Variants in PDZD2 observed in about 807,000 individuals in gnomAD.
The protein encoded by PDZD2 is PDZ domain containing 2, also known as PDZ domain-containing protein 2.
In PDZD2, 90 loss-of-function variants were observed where a neutral mutation model predicts 220.7. The observed-to-expected ratio is 0.41, with a 90% CI of 0.34 to 0.49. PDZD2 has a LOEUF of 0.49. PDZD2 is among the 20% of genes least tolerant of loss of function. The probability of loss-of-function intolerance (pLI) is 0.28; values close to 1 mark genes in which losing one functional copy is unlikely to be tolerated. For synonymous variants in PDZD2, 1,375 were observed against 1,450.5 expected, an observed-to-expected ratio of 0.95 and a Z score of 1.18; for missense variants, 3,174 against 3,608.5, an observed-to-expected ratio of 0.88 and a Z score of 3.08.
At chr5:31,891,925 C>T (rs1362922758) in intron 2 of PDZD2, among the ~76,000 whole-genome samples, 28 of 143,028 alleles carry the variant, frequency 2.0e-4, no homozygotes, top group Admixed American at 3.5e-4. Context: ...TTTTTTTTTG[C>T]GGGGGGACAG....
chr5:31,819,716 T>C (rs1755710143), intron 2 of PDZD2, among the ~76,000 whole-genome samples: 1 of 151,836 alleles, frequency 6.6e-6, no homozygotes, highest in Non-Finnish European at 1.5e-5. Context: ...TGTGTATATG[T>C]ATGAGTATAT....
chr5:31,831,439 C>G (rs2150269505), intron 2 of PDZD2, among the ~76,000 whole-genome samples: 1 of 151,934 alleles, frequency 6.6e-6, no homozygotes, highest in South Asian at 2.1e-4. Flanking sequence ...CATGGTGAAA[C>G]CCCGTCTCCA....
chr5:32,030,547 G>T (rs1358413927), intron 6 of PDZD2, among the ~76,000 whole-genome samples: 1 of 152,150 alleles, frequency 6.6e-6, no homozygotes, highest in Non-Finnish European at 1.5e-5. Flanking sequence ...CTTCTTTATA[G>T]GTTTGCATGC....
chr5:31,738,255 G>A (rs1750024968), intron 1 of PDZD2: 1 of 152,216 alleles, frequency 6.6e-6, no homozygotes, highest in Non-Finnish European at 1.5e-5. Flanking sequence ...TGCAGTGAGT[G>A]GAAATCTTGA....
chr5:31,745,112 A>G (rs947762962), intron 1 of PDZD2, among the ~76,000 whole-genome samples: 11 of 152,082 alleles, frequency 7.2e-5, no homozygotes, highest in East Asian at 1.9e-4. Context: ...TAAAAAATAA[A>G]CACCAAGTGT....
rs188478811 is a variant in PDZD2, at chr5:31,722,783, G to A, written c.-360-76106G>A. Among the ~76,000 whole-genome samples, 57 of 151,528 alleles carry A rather than the reference G, an allele frequency of 3.8e-4. No individual in the cohort carries two copies. The East Asian group carries it at 0.011, about 28-fold the overall frequency. ...CAGCTCACTGCAACCTCTGCCTCCCGGGCTCAAGCGATTCTCCTGCTCAGC... is the reference window on the plus strand; with the variant it reads ...CAGCTCACTGCAACCTCTGCCTCCCAGGCTCAAGCGATTCTCCTGCTCAGC... On this transcript the variant is annotated intron_variant, in intron 1 of 24. Coordinates refer to ENST00000438447, the MANE Select transcript of PDZD2 (RefSeq NM_178140.4).
chr5:31,801,983 T>C (rs1436913353), intron 2 of PDZD2, among the ~76,000 whole-genome samples: 4 of 151,686 alleles, frequency 2.6e-5, no homozygotes, highest in Non-Finnish European at 5.9e-5. Context: ...GTTGGGGGAG[T>C]GACAGGATGA....
intron 2 of PDZD2, among the ~76,000 whole-genome samples, chr5:31,939,141 A>G (rs1369188990): frequency 6.6e-6 from 1 of 152,118 alleles, no homozygotes; most frequent in Non-Finnish European, 1.5e-5. Flanking sequence ...GGCCTGGAAA[A>G]CAAGATGGCG....
At position 32,087,510 on chromosome 5, in the gene PDZD2, T is replaced by C. The variant is rs752082285; in HGVS notation, c.4062T>C (p.Ala1354=). 3 of 1,613,086 alleles carry C rather than the reference T, an allele frequency of 1.9e-6. No individual in the cohort carries two copies. Among genetic ancestry groups the C allele is most frequent in the Non-Finnish European group, 8.5e-7 (1 of 1,179,498 alleles). ...PLTSQEQRQG[A]PGNHSKALEM... ...CATCCCAGGAGCAGAGACAGGGAGC[T>C]CCAGGTAACCACAGTAAGGCTCTGG... The change falls in exon 20 of 25, where the codon GCT becomes GCC. Residue 1354 remains alanine (A), a synonymous_variant. Coordinates refer to ENST00000438447, the MANE Select transcript of PDZD2 (RefSeq NM_178140.4). This position sits in a 1 kb window ranked among gnomAD's most constrained non-coding sequence, Gnocchi z 4.0.
At chr5:31,903,153 G>A (rs1742258477) in intron 2 of PDZD2, among the ~76,000 whole-genome samples, 1 of 151,858 alleles carries the variant, frequency 6.6e-6, no homozygotes, top group Non-Finnish European at 1.5e-5. Flanking sequence ...AATTAGCCGG[G>A]CGTGGTACTG....
chr5:32,100,985 G>C, intron 23 of PDZD2, 120 bp from the exon 24 acceptor site: 2 of 1,595,282 alleles, frequency 1.3e-6, no homozygotes, highest in Non-Finnish European at 1.7e-6. Flanking sequence ...CCCCAGGGTA[G>C]ATGGGACTTG....
At chr5:31,725,167 C>A (rs1374982512) in intron 1 of PDZD2, among the ~76,000 whole-genome samples, 5 of 151,786 alleles carry the variant, frequency 3.3e-5, no homozygotes, top group Non-Finnish European at 7.4e-5. Context: ...CCCATCTCTA[C>A]TAAAAATACA....
At position 32,089,867 on chromosome 5, in the gene PDZD2, C is replaced by G; in HGVS notation, c.6419C>G (p.Ser2140Cys). ...IRLYRQVAES[S>C]TSHPSSLPSH... ...CTCTATCGCCAGGTCGCAGAATCAT[C>G]CACAAGTCATCCATCCTCACTCCCA... Residue 2140 changes from serine (S) to cysteine (C), a missense_variant, in exon 20 of 25, where the codon TCC becomes TGC. Physicochemically the swap from Ser to Cys is moderately radical, Grantham distance 112. This residue lies in a region of PDZD2 where 1,861 missense variants were observed against 2,001.0 expected (regional missense o/e 0.93). Coordinates refer to ENST00000438447, the MANE Select transcript of PDZD2 (RefSeq NM_178140.4). The G allele has an allele frequency of 6.2e-7, 1 of 1,613,194 alleles. No homozygotes were observed. The highest frequency in any genetic ancestry group is 2.2e-5 in the East Asian group (1 of 44,848).
At chr5:32,100,803 A>G (rs1264498082) in intron 23 of PDZD2, 1 of 1,081,872 alleles carries the variant, frequency 9.2e-7, no homozygotes, top group Non-Finnish European at 1.3e-6. Context: ...GCTTAACAAG[A>G]GCACTTTGCT....
chr5:31,908,197 G>C (rs1043575139), intron 2 of PDZD2, among the ~76,000 whole-genome samples: 2 of 151,318 alleles, frequency 1.3e-5, no homozygotes, highest in African/African-American at 4.9e-5. Flanking sequence ...CACAAAGATA[G>C]TCTACATTTC....
chr5:32,088,852 T>C lies in PDZD2; in HGVS notation c.5404T>C (p.Phe1802Leu). The change falls in exon 20 of 25, where the codon TTT becomes CTT. Residue 1802 changes from phenylalanine (F) to leucine (L), a missense_variant. By Grantham distance (22) the Phe-to-Leu change is conservative. Transcript: ENST00000438447. The surrounding 1 kb of genome is among the most constrained non-coding windows in gnomAD (Gnocchi z 4.6). ...CGCTAGGAGGCCCATCATGGCCTGG[T>C]TTAAAGAAATAAATAAACATAACCA... ...MIARRPIMAW[F>L]KEINKHNQGT... The C allele has an allele frequency of 6.2e-7, 1 of 1,613,810 alleles. No homozygotes were observed. The highest frequency in any genetic ancestry group is 8.5e-7 in the Non-Finnish European group (1 of 1,179,960).
chr5:32,007,288 C>T (rs1207453933), intron 5 of PDZD2, among the ~76,000 whole-genome samples: 3 of 151,578 alleles, frequency 2.0e-5, no homozygotes, highest in Non-Finnish European at 4.4e-5. Flanking sequence ...GCTGGGATTA[C>T]GGGTATGAGC....
intron 1 of PDZD2, among the ~76,000 whole-genome samples, chr5:31,670,456 G>A (rs1042494336): frequency 4.6e-5 from 7 of 151,974 alleles, no homozygotes; most frequent in African/African-American, 1.2e-4. Context: ...TCGCCCTGTC[G>A]CCCAGGCTGG....
Position 32,074,495 on chromosome 5 carries a change from G to T in PDZD2, c.3389G>T (p.Arg1130Ile), listed in dbSNP as rs371329370. 6.2e-7 allele frequency: 1 copy of T among 1,614,012 alleles called. No individual in the cohort carries two copies. The highest frequency in any genetic ancestry group is 8.5e-7 in the Non-Finnish European group (1 of 1,179,954). Residue 1130 changes from arginine to isoleucine, a missense_variant, in exon 18 of 25, where the codon AGA becomes ATA. Physicochemically the swap from Arg to Ile is moderately conservative, Grantham distance 97. Coordinates refer to ENST00000438447, the MANE Select transcript of PDZD2 (RefSeq NM_178140.4). The stretch of plus-strand genomic sequence containing the variant: ...GCCAGGGTAAGCCCCCACTGCAAGA[G>T]ATCCGAGGCTGAGGCCAAGCCCAGT... ...PVARVSPHCK[R>I]SEAEAKPSGS... is the part of the protein sequence containing the mutation.
Sources: gnomAD v4.1 joint callset for allele counts (sites outside exome capture counted in the v4.1 genomes callset) on GRCh38, gnomAD v4.1.1 for gene constraint, gnomAD v4.1.1 regional missense constraint, Gnocchi (gnomAD v3.1) non-coding constraint, MANE v1.5 for transcripts, NCBI Gene and HGNC (gene_info 2026-07-23, HGNC 2026-07-21) for gene names.